AGBL1: variants seen among roughly 807,000 people sequenced by gnomAD.
AGBL1 encodes AGBL carboxypeptidase 1.
A neutral mutation model predicts 118.9 loss-of-function variants in AGBL1; 130 were observed. The observed-to-expected ratio is 1.09, with a 90% confidence interval of 0.95 to 1.26. The LOEUF (loss-of-function observed/expected upper bound fraction) is 1.26, where lower values mean the gene tolerates loss of function less well. Among genes scored for constraint, AGBL1 ranks in the 50% most tolerant of loss-of-function variants. The pLI, the probability that AGBL1 is intolerant of heterozygous loss-of-function variation, is 0.00. For missense variants in AGBL1, 1,584 were observed against 1,298.1 expected (o/e 1.22, Z -3.38); for synonymous variants, 555 against 478.9 (o/e 1.16, Z -2.08).
At chr15:86,554,284 G>A in intron 20 of AGBL1, 77 bp from the exon 21 acceptor site, 1 of 1,252,796 alleles carries the variant, frequency 8.0e-7, no homozygotes, top group South Asian at 1.5e-5. Flanking sequence ...GCTTAACAAT[G>A]TTGAGAAGCT....
intron 22 of AGBL1, among the ~76,000 whole-genome samples, chr15:86,730,516 C>G (rs1165697387): frequency 6.6e-6 from 1 of 151,768 alleles, no homozygotes; most frequent in Non-Finnish European, 1.5e-5. Flanking sequence ...GGTTTTTTTT[C>G]TTTCTTCCAT....
At position 87,019,471 on chromosome 15, in the gene AGBL1, C is replaced by T. The variant is rs184069275; in HGVS notation, c.3324-9354C>T. ...TTAGAATGCAAGATTAAGAAATTCACTTAAAACTATATAACTACATGGAAA... is the reference window on the plus strand; with the variant it reads ...TTAGAATGCAAGATTAAGAAATTCATTTAAAACTATATAACTACATGGAAA... On this transcript the variant is annotated intron_variant, in intron 24 of 24. Coordinates refer to the AGBL1 transcript ENST00000441037. 3.3e-3 allele frequency among the ~76,000 whole-genome samples: 502 copies of T among 152,076 alleles called. 9 individuals are homozygous for T. Among genetic ancestry groups the T allele is most frequent in the African/African-American group, 0.011 (470 of 41,548 alleles).
At chr15:86,571,625 C>T (rs777784504) in intron 21 of AGBL1, among the ~76,000 whole-genome samples, 7 of 152,190 alleles carry the variant, frequency 4.6e-5, no homozygotes, top group Non-Finnish European at 8.8e-5. Flanking sequence ...TAATTCTTCT[C>T]TGCAGCTGGT....
chr15:86,470,185 T>A (rs1174744992), intron 18 of AGBL1, among the ~76,000 whole-genome samples: 2 of 152,180 alleles, frequency 1.3e-5, no homozygotes, highest in Admixed American at 1.3e-4. Context: ...TGTTTCCTTC[T>A]AATAGTTTTA....
chr15:86,205,567 G>A lies in AGBL1; in HGVS notation c.489-19347G>A, dbSNP rs527970751. Among the ~76,000 whole-genome samples the A allele has an allele frequency of 5.9e-5, 9 of 152,278 alleles. No individual in the cohort carries two copies. In the South Asian group the frequency reaches 1.0e-3, roughly 18 times the overall value. ...AAGTGGTTGTTACCGTTTTGCATTC[G>A]CATCAGCAATGAGTGAGAATTCCTG... is the stretch of plus-strand genomic sequence containing the variant. On this transcript the variant is annotated intron_variant, in intron 5 of 22. Transcript: ENST00000614907.
intron 21 of AGBL1, among the ~76,000 whole-genome samples, chr15:86,620,790 C>G (rs188800499): frequency 6.6e-6 from 1 of 151,996 alleles, no homozygotes; most frequent in African/African-American, 2.4e-5. Flanking sequence ...TGAAAGTGAA[C>G]TTTGAAATGA....
intron 22 of AGBL1, among the ~76,000 whole-genome samples, chr15:86,837,418 G>A (rs1276183529): frequency 6.6e-6 from 1 of 152,072 alleles, no homozygotes; most frequent in African/African-American, 2.4e-5. Flanking sequence ...GGCCAAATTT[G>A]GCTCACCCCC....
At chr15:86,674,539 G>A in intron 22 of AGBL1, 103 bp downstream of exon 22, 2 of 1,169,420 alleles carry the variant, frequency 1.7e-6, no homozygotes, top group Non-Finnish European at 2.3e-6. Context: ...TTTACACAGA[G>A]AAAATATGGA....
Position 86,247,808 on chromosome 15 carries a change from G to A in AGBL1, c.664G>A (p.Ala222Thr). 1.2e-6 allele frequency: 2 copies of A among 1,614,000 alleles called. No individual in the cohort carries two copies. The highest frequency in any genetic ancestry group is 1.7e-6 in the Non-Finnish European group (2 of 1,179,888). The stretch of plus-strand genomic sequence containing the variant: ...CTTGCTGCTCTGCCTCAGGCACATT[G>A]CTGCCCTCCGGTCCGGCAGGGAGGC... ...RGLLLCLRHI[A>T]ALRSGREAFL... The change falls in exon 7 of 23, where the codon GCT (alanine) becomes ACT (threonine). Residue 222 changes from alanine (A) to threonine (T), a missense_variant. Physicochemically the swap from Ala to Thr is moderately conservative, Grantham distance 58. Coordinates refer to ENST00000614907, the MANE Select transcript of AGBL1 (RefSeq NM_001386094.1).
At chr15:86,692,840 T>C (rs2347235) in intron 22 of AGBL1, among the ~76,000 whole-genome samples, 56,515 of 152,008 alleles carry the variant, frequency 0.37, 12,744 homozygotes, top group Non-Finnish European at 0.52. Flanking sequence ...CTTCCACTTA[T>C]GAGTGAGAAC....
At chr15:86,494,256 A>C (rs1181718384) in intron 18 of AGBL1, among the ~76,000 whole-genome samples, 1 of 152,110 alleles carries the variant, frequency 6.6e-6, no homozygotes, top group Non-Finnish European at 1.5e-5. Flanking sequence ...TTGTAACAGA[A>C]GGTGACCTGT....
At chr15:86,498,545 C>T (rs897175194) in intron 18 of AGBL1, among the ~76,000 whole-genome samples, 2 of 151,882 alleles carry the variant, frequency 1.3e-5, no homozygotes, top group Non-Finnish European at 2.9e-5. Flanking sequence ...GATTACTGGG[C>T]TTAGAAAATG....
chr15:86,705,805 G>A (rs919666980), intron 22 of AGBL1, among the ~76,000 whole-genome samples: 2 of 152,086 alleles, frequency 1.3e-5, no homozygotes, highest in Admixed American at 6.5e-5. Flanking sequence ...TGTCTCTAGT[G>A]CTTTGAAAAC....
chr15:86,207,470 T>C (rs2078013810), intron 5 of AGBL1, among the ~76,000 whole-genome samples: 1 of 152,214 alleles, frequency 6.6e-6, no homozygotes, highest in Non-Finnish European at 1.5e-5. Flanking sequence ...CATTTGTTTG[T>C]GTCCTCTTTT....
intron 22 of AGBL1, among the ~76,000 whole-genome samples, chr15:86,699,436 G>T (rs1161053427): frequency 1.3e-5 from 2 of 151,952 alleles, no homozygotes; most frequent in Admixed American, 1.3e-4. Context: ...TATAGCAATA[G>T]GGGACAAATA....
chr15:86,772,102 C>T (rs2078190713), intron 22 of AGBL1, among the ~76,000 whole-genome samples: 1 of 151,982 alleles, frequency 6.6e-6, no homozygotes, highest in South Asian at 2.1e-4. Flanking sequence ...CTGTAGTGGT[C>T]TCAGGCTTTC....
chr15:86,157,087 G>C (rs748486999), intron 4 of AGBL1, among the ~76,000 whole-genome samples: 4 of 152,076 alleles, frequency 2.6e-5, no homozygotes, highest in Non-Finnish European at 5.9e-5. Context: ...ACTGTGCCTG[G>C]CCACAATAAC....
intron 6 of AGBL1, among the ~76,000 whole-genome samples, chr15:86,241,301 A>G (rs1228714906): frequency 6.6e-6 from 1 of 152,102 alleles, no homozygotes; most frequent in Non-Finnish European, 1.5e-5. Flanking sequence ...AGGGAAAGGA[A>G]TGATCATTTA....
At chr15:86,281,402 G>A (rs1365278061) in intron 16 of AGBL1, among the ~76,000 whole-genome samples, 1 of 151,832 alleles carries the variant, frequency 6.6e-6, no homozygotes, top group Non-Finnish European at 1.5e-5. Flanking sequence ...ACCAAAAGCA[G>A]AAACCAGAAA....
Sources: allele counts gnomAD v4.1 joint callset (sites outside exome capture counted in the v4.1 genomes callset), GRCh38; gene constraint gnomAD v4.1.1; transcripts MANE v1.5; gene names NCBI Gene and HGNC (gene_info 2026-07-23, HGNC 2026-07-21).